Variants in SPOP observed in about 807,000 individuals in gnomAD.
The protein encoded by SPOP is speckle-type POZ protein.
A neutral mutation model predicts 45.6 loss-of-function variants in SPOP; 11 were observed. The ratio of observed to expected loss-of-function variants is 0.24; its 90% CI spans 0.15 to 0.40. The LOEUF (loss-of-function observed/expected upper bound fraction) is 0.40. Among genes scored for constraint, SPOP ranks in the 10% least tolerant of loss-of-function variants. SPOP has a pLI of 1.00. For synonymous variants in SPOP, 166 were observed against 166.3 expected, an observed-to-expected ratio of 1.00 and a Z score of 0.01; for missense variants, 152 against 465.6, an observed-to-expected ratio of 0.33 and a Z score of 6.20.
At chr17:49,678,150 G>C, upstream of SPOP, 1 of 393,952 alleles carries the variant, frequency 2.5e-6, no homozygotes, top group Admixed American at 4.4e-5. Context: ...CCCACCCCGC[G>C]CGGCCTCCTC....
intron 1 of SPOP, among the ~76,000 whole-genome samples, chr17:49,666,416 T>A (rs929083746): frequency 6.7e-6 from 1 of 149,506 alleles, no homozygotes; most frequent in Non-Finnish European, 1.5e-5. Flanking sequence ...AACCATTACC[T>A]CCATATAGGG....
chr17:49,654,366 T>C (rs2072880252), intron 1 of SPOP, among the ~76,000 whole-genome samples: 1 of 152,252 alleles, frequency 6.6e-6, no homozygotes. Flanking sequence ...GAGCTGAGAC[T>C]ACAGGTATGC....
Position 49,619,230 on chromosome 17 carries a change from T to C in SPOP, c.352+4A>G. On this transcript the variant is annotated splice_donor_region_variant and intron_variant, in intron 4 of 9. Transcript: ENST00000504102. The surrounding 1 kb of genome is among the most constrained non-coding windows in gnomAD (Gnocchi z 4.9). ...AAGAGTTGAACAAAGAGGAGAACAT[T>C]TACCCATAGCTTTGGTTTCTTCTCC... 1 of 1,614,158 alleles carries C rather than the reference T, an allele frequency of 6.2e-7. No homozygotes were observed. Among genetic ancestry groups the C allele is most frequent in the Non-Finnish European group, 8.5e-7 (1 of 1,180,036 alleles).
intron 1 of SPOP, among the ~76,000 whole-genome samples, chr17:49,654,973 G>C (rs780821867): frequency 6.6e-6 from 1 of 152,126 alleles, no homozygotes; most frequent in Non-Finnish European, 1.5e-5. Flanking sequence ...AGCATCCTAA[G>C]AGGGCCTGTC....
intron 1 of SPOP, among the ~76,000 whole-genome samples, chr17:49,626,716 A>G (rs2072338638): frequency 6.6e-6 from 1 of 152,118 alleles, no homozygotes; most frequent in Admixed American, 6.5e-5. Context: ...AAATCACACA[A>G]TAACTCAACT....
chr17:49,678,084 C>T lies in SPOP; in HGVS notation c.-218G>A. 2.5e-6 allele frequency: 1 copy of T among 398,464 alleles called. No homozygotes were observed. Among genetic ancestry groups the T allele is most frequent in the Non-Finnish European group, 4.4e-6 (1 of 225,976 alleles). The allele number at this position is 398,464 out of a possible 1,614,324, so 24.7% of individuals were successfully genotyped here. On this transcript the variant is annotated 5_prime_UTR_variant, in exon 1 of 10. In the 5' UTR this introduces an upstream ATG that the reference lacks. Transcript: ENST00000504102. ...ACACACACATACACACCGACACACA[C>T]CAGCCGGGGCGTCATGGCGTCAGCA...
At chr17:49,626,178 T>C in intron 1 of SPOP, among the ~76,000 whole-genome samples, 1 of 152,138 alleles carries the variant, frequency 6.6e-6, no homozygotes, top group East Asian at 1.9e-4. Flanking sequence ...TAAGAAATCC[T>C]GAGACAAGTT....
intron 1 of SPOP, among the ~76,000 whole-genome samples, chr17:49,627,878 A>G (rs964126854): frequency 2.0e-5 from 3 of 152,116 alleles, no homozygotes; most frequent in Admixed American, 2.0e-4. Context: ...TCTGTCTCAG[A>G]CTCTGAGGAG....
At chr17:49,673,717 G>T (rs1043239303) in intron 1 of SPOP, among the ~76,000 whole-genome samples, 7 of 152,150 alleles carry the variant, frequency 4.6e-5, no homozygotes, top group African/African-American at 1.7e-4. Context: ...CCTCCCAAAT[G>T]AACTCTCCTC....
intron 3 of SPOP, among the ~76,000 whole-genome samples, chr17:49,620,329 G>A (rs1365270848): frequency 1.3e-5 from 2 of 151,720 alleles, no homozygotes; most frequent in African/African-American, 2.4e-5. Flanking sequence ...AATACCAGGC[G>A]TGCTAGTGGG....
At chr17:49,652,522 A>G (rs1288596642) in intron 1 of SPOP, among the ~76,000 whole-genome samples, 3 of 152,206 alleles carry the variant, frequency 2.0e-5, no homozygotes, top group Non-Finnish European at 4.4e-5. Flanking sequence ...AACTTAAAAG[A>G]GTAACTCATA....
rs1438230257 is a variant in SPOP, at chr17:49,619,696, G to A, written c.201-311C>T. Among the ~76,000 whole-genome samples, 1 of 152,060 alleles carries A rather than the reference G, an allele frequency of 6.6e-6. No homozygotes were observed. Among genetic ancestry groups the A allele is most frequent in the Non-Finnish European group, 1.5e-5 (1 of 68,024 alleles). On this transcript the variant is annotated intron_variant, in intron 3 of 9. Coordinates refer to ENST00000504102, the MANE Select transcript of SPOP (RefSeq NM_001007228.2). This position sits in a 1 kb window ranked among gnomAD's most constrained non-coding sequence, Gnocchi z 4.9. ...CTACAGATGTGCACCACCATGGCCA[G>A]CTAATTTTTGTAGAGATGGGGTTTC... is the stretch of plus-strand genomic sequence containing the variant.
intron 5 of SPOP, among the ~76,000 whole-genome samples, chr17:49,615,789 A>C (rs183424992): frequency 1.3e-5 from 2 of 152,288 alleles, no homozygotes; most frequent in Admixed American, 1.3e-4. Context: ...AGTGTAGTGC[A>C]GCGGACTAGA....
At chr17:49,652,546 AAG>A (rs1217590569) in intron 1 of SPOP, among the ~76,000 whole-genome samples, 1 of 152,154 alleles carries the variant, frequency 6.6e-6, no homozygotes, top group Admixed American at 6.5e-5. Context: ...TCAAGAACTT[AAG>A]AGTTTCTCTT....
At chr17:49,641,331 CATCATTTTTTTTTCTATAGCGCAT>C (rs1402257371) in intron 1 of SPOP, among the ~76,000 whole-genome samples, 1 of 144,178 alleles carries the variant, frequency 6.9e-6, no homozygotes, top group Admixed American at 6.9e-5. Flanking sequence ...ATTCCTGCTT[CATCATTTTTTTTTCTATAGCGCAT>C]AAAGTCATCT....
intron 1 of SPOP, among the ~76,000 whole-genome samples, chr17:49,673,071 C>T (rs1343266882): frequency 6.6e-6 from 1 of 152,008 alleles, no homozygotes; most frequent in Admixed American, 6.6e-5. Flanking sequence ...AATCTGAACA[C>T]GAACTGGATA....
At chr17:49,651,462 G>C (rs767746192) in intron 1 of SPOP, among the ~76,000 whole-genome samples, 1 of 152,134 alleles carries the variant, frequency 6.6e-6, no homozygotes, top group South Asian at 2.1e-4. Context: ...TAAGGATATG[G>C]AGTTACAAAG....
At chr17:49,620,872 GCTA>G (rs2072209634) in intron 3 of SPOP, among the ~76,000 whole-genome samples, 1 of 152,182 alleles carries the variant, frequency 6.6e-6, no homozygotes, top group Non-Finnish European at 1.5e-5. Flanking sequence ...GAGTGCATAT[GCTA>G]CATACATTAC....
chr17:49,609,312 T>G (rs1459935043), intron 6 of SPOP, among the ~76,000 whole-genome samples: 2 of 152,254 alleles, frequency 1.3e-5, no homozygotes, highest in Non-Finnish European at 2.9e-5. Context: ...TCATTGTTCT[T>G]ATTTCAGAAG....
Sources: gnomAD v4.1 joint callset for allele counts (sites outside exome capture counted in the v4.1 genomes callset) on GRCh38, gnomAD v4.1.1 for gene constraint, Gnocchi (gnomAD v3.1) non-coding constraint, MANE v1.5 for transcripts, NCBI Gene and HGNC (gene_info 2026-07-23, HGNC 2026-07-21) for gene names.